LIMK2: variants seen among roughly 807,000 people sequenced by gnomAD.
The protein encoded by LIMK2 is LIM domain kinase 2.
LIMK2 carries 35 observed loss-of-function variants against 75.7 expected under a neutral mutation model. That is an observed-to-expected ratio of 0.46 (90% confidence interval 0.35 to 0.61). The LOEUF (loss-of-function observed/expected upper bound fraction) is 0.61, where lower values mean the gene tolerates loss of function less well. LIMK2 is among the 20% of genes least tolerant of loss of function. The pLI is 0.00. For synonymous variants in LIMK2, 301 were observed against 319.2 expected (o/e 0.94, Z 0.61); for missense variants, 623 against 831.0 (o/e 0.75, Z 3.08).
intron 1 of LIMK2, among the ~76,000 whole-genome samples, chr22:31,213,725 C>T (rs1443356525): frequency 6.6e-6 from 1 of 151,896 alleles, no homozygotes; most frequent in Non-Finnish European, 1.5e-5. Context: ...GGCAATATAG[C>T]GAGACTTCAT....
At chr22:31,234,480 TG>T (rs2048555014) in intron 2 of LIMK2, among the ~76,000 whole-genome samples, 2 of 150,078 alleles carry the variant, frequency 1.3e-5, no homozygotes, top group South Asian at 4.4e-4. Flanking sequence ...CTCAGCACTT[TG>T]GGAGGCCGAG....
chr22:31,226,407 TG>T (rs1015173855), intron 2 of LIMK2, among the ~76,000 whole-genome samples: 8 of 96,858 alleles, frequency 8.3e-5, no homozygotes, highest in African/African-American at 1.4e-4. Context: ...TTCAACATGT[TG>T]GTCAGGCTGG....
At chr22:31,212,943 C>T (rs2048360059) in intron 1 of LIMK2, among the ~76,000 whole-genome samples, 1 of 152,108 alleles carries the variant, frequency 6.6e-6, no homozygotes, top group Non-Finnish European at 1.5e-5. Flanking sequence ...AGGCTTCTCG[C>T]GGGCATCTTG....
At chr22:31,246,179 G>GCACA (rs1341395963) in intron 2 of LIMK2, among the ~76,000 whole-genome samples, 120 of 69,818 alleles carry the variant, frequency 1.7e-3, no homozygotes, top group East Asian at 0.011. Flanking sequence ...ACACACGCAC[G>GCACA]CACGCACACA....
In LIMK2 at chr22:31,273,374, G is replaced by T; in HGVS notation, c.1559-78G>T. The T allele has an allele frequency of 3.1e-6, 4 of 1,311,144 alleles. No homozygotes were observed. In the Admixed American group the frequency reaches 6.9e-5, roughly 23 times the overall value. The allele number at this position is 1,311,144 out of a possible 1,614,324, so 81.2% of individuals were successfully genotyped here. ...GTTCTAGCCCTAGTTCTTAGCTGTG[G>T]CTTAGATTGACCCTAGACCCAGTGC... is the stretch of plus-strand genomic sequence containing the variant. On this transcript the variant is annotated intron_variant, in intron 13 of 15. Coordinates refer to ENST00000331728, the MANE Select transcript of LIMK2 (RefSeq NM_005569.4).
At chr22:31,258,828 A>C (rs2048810328) in intron 3 of LIMK2, 2 of 427,312 alleles carry the variant, frequency 4.7e-6, no homozygotes, top group Non-Finnish European at 8.7e-6. Flanking sequence ...CTTTAAGCAT[A>C]GTGACAGACT....
intron 15 of LIMK2, 141 bp downstream of exon 15, chr22:31,275,449 C>A: frequency 1.3e-6 from 1 of 742,946 alleles, no homozygotes; most frequent in East Asian, 2.7e-5. Context: ...CCTGAGCCAT[C>A]TGACAACACA....
intron 2 of LIMK2, among the ~76,000 whole-genome samples, chr22:31,237,193 G>A (rs1194104184): frequency 1.3e-5 from 2 of 150,842 alleles, no homozygotes; most frequent in African/African-American, 2.4e-5. Flanking sequence ...CCCGGGAGGC[G>A]GAGCTTGCAG....
chr22:31,212,331 C>A lies in LIMK2; in HGVS notation c.-78C>A. The stretch of plus-strand genomic sequence containing the variant: ...GCGCCTGAGGCGGCGGCGGCAGGAG[C>A]TGAGGGGAGTTGTAGGGAACTGAGG... On this transcript the variant is annotated 5_prime_UTR_variant, in exon 1 of 16. The change creates a new upstream start codon in the 5' untranslated region. Coordinates refer to ENST00000331728, the MANE Select transcript of LIMK2 (RefSeq NM_005569.4). The A allele has an allele frequency of 7.7e-7, 1 of 1,296,004 alleles. No homozygotes were observed. Among genetic ancestry groups the A allele is most frequent in the Non-Finnish European group, 9.9e-7 (1 of 1,009,892 alleles). 80.3% of individuals were successfully genotyped at this position (1,296,004 alleles called of 1,614,324 possible).
intron 13 of LIMK2, chr22:31,273,056 C>A: frequency 9.0e-7 from 1 of 1,114,506 alleles, no homozygotes; most frequent in Non-Finnish European, 1.1e-6. Flanking sequence ...ACCAGAGATG[C>A]TGGTTGGGAT....
chr22:31,246,398 A>T (rs1054973968), intron 2 of LIMK2, among the ~76,000 whole-genome samples: 4 of 152,092 alleles, frequency 2.6e-5, no homozygotes, highest in Admixed American at 2.6e-4. Flanking sequence ...AAATCTTTCC[A>T]TAAGTAAATA....
At chr22:31,274,753 C>T (rs1431953084) in intron 14 of LIMK2, among the ~76,000 whole-genome samples, 1 of 152,164 alleles carries the variant, frequency 6.6e-6, no homozygotes, top group Admixed American at 6.5e-5. Flanking sequence ...AATTGAACAC[C>T]TCTGTTCAGA....
chr22:31,267,395 G>A (rs894178528), intron 9 of LIMK2, among the ~76,000 whole-genome samples: 3 of 152,130 alleles, frequency 2.0e-5, no homozygotes, highest in Non-Finnish European at 4.4e-5. Context: ...TCACCTGAAC[G>A]CCCTGCTAAG....
intron 15 of LIMK2, chr22:31,275,656 G>A: frequency 5.2e-6 from 1 of 192,240 alleles, no homozygotes; most frequent in Non-Finnish European, 1.1e-5. Flanking sequence ...AAATAGTTCT[G>A]TATTTTGCCC....
chr22:31,279,659 A>G lies in LIMK2; in HGVS notation c.*1218A>G, dbSNP rs2049066629. The G allele has an allele frequency of 6.6e-6, 1 of 152,200 alleles. No individual in the cohort carries two copies. Among genetic ancestry groups the G allele is most frequent in the East Asian group, 1.9e-4 (1 of 5,196 alleles). The allele number at this position is 152,200 out of a possible 1,614,324, so 9.4% of individuals were successfully genotyped here. ...CAGAGCTCTAGGAACTCTTCATCAC[A>G]ACTAGATTTGCCTCTTCTAAGTGTC... On this transcript the variant is annotated 3_prime_UTR_variant, in exon 16 of 16. Coordinates refer to ENST00000331728, the MANE Select transcript of LIMK2 (RefSeq NM_005569.4).
At chr22:31,268,277 A>G (rs1239868101) in intron 11 of LIMK2, 77 bp downstream of exon 11, 2 of 1,193,386 alleles carry the variant, frequency 1.7e-6, no homozygotes, top group Non-Finnish European at 2.5e-6. Context: ...ACTGGAAGGT[A>G]GAGACCCCTT....
intron 2 of LIMK2, among the ~76,000 whole-genome samples, chr22:31,244,601 T>A (rs2048650356): frequency 6.6e-6 from 1 of 151,942 alleles, no homozygotes; most frequent in African/African-American, 2.4e-5. Flanking sequence ...CCAAGGAAAA[T>A]AGAGAGCCCT....
chr22:31,216,691 A>G lies in LIMK2; in HGVS notation c.16+4267A>G, dbSNP rs149134015. On this transcript the variant is annotated intron_variant, in intron 1 of 15. Transcript: ENST00000331728. ...AAAATGACCACAAGATTTCAAAACT[A>G]AATAAAAATCCGTCATGATCAAGGG... Among the ~76,000 whole-genome samples the G allele has an allele frequency of 1.6e-3, 241 of 152,304 alleles. 2 individuals are homozygous for G. Among genetic ancestry groups the G allele is most frequent in the African/African-American group, 5.6e-3 (234 of 41,562 alleles).
chr22:31,217,664 A>G (rs548430700), intron 1 of LIMK2, among the ~76,000 whole-genome samples: 2 of 152,342 alleles, frequency 1.3e-5, no homozygotes, highest in East Asian at 1.9e-4. Context: ...TCAATTGGTT[A>G]ACCAGTTCTC....
Sources: allele counts gnomAD v4.1 joint callset (sites outside exome capture counted in the v4.1 genomes callset), GRCh38; gene constraint gnomAD v4.1.1; transcripts MANE v1.5; gene names NCBI Gene and HGNC (gene_info 2026-07-23, HGNC 2026-07-21).